LRIF1: variants seen among roughly 807,000 people sequenced by gnomAD.
LRIF1 encodes the protein ligand-dependent nuclear receptor-interacting factor 1.
In LRIF1, 32 loss-of-function variants were observed where a neutral mutation model predicts 52.7. The ratio of observed to expected loss-of-function variants is 0.61; its 90% CI spans 0.46 to 0.82. The LOEUF is 0.82. Ranked by LOEUF, LRIF1 falls within the 40% of genes least tolerant of loss-of-function variation. LRIF1 has a pLI of 0.00. For missense variants in LRIF1, 887 were observed against 892.0 expected, an observed-to-expected ratio of 0.99 and a Z score of 0.07; for synonymous variants, 323 against 317.4, an observed-to-expected ratio of 1.02 and a Z score of -0.19.
chr1:110,904,063 G>A, the LRIF1 span, among the ~76,000 whole-genome samples: 13 of 152,202 alleles, frequency 8.5e-5, no homozygotes, highest in Admixed American at 4.6e-4. Flanking sequence ...GGAGGGAAGA[G>A]TGGGGAAAAC....
chr1:110,910,160 T>C, the LRIF1 span, among the ~76,000 whole-genome samples: 1 of 151,860 alleles, frequency 6.6e-6, no homozygotes, highest in African/African-American at 2.4e-5. Context: ...GAATCTAAAC[T>C]TGACACTTGA....
intron 1 of LRIF1, among the ~76,000 whole-genome samples, chr1:110,963,077 C>T (rs2101127694): frequency 6.6e-6 from 1 of 152,336 alleles, no homozygotes; most frequent in South Asian, 2.1e-4. Context: ...AAAGGACTGA[C>T]TTTACACGAG....
At chr1:110,960,551 A>G (rs889698293) in intron 1 of LRIF1, among the ~76,000 whole-genome samples, 7 of 152,174 alleles carry the variant, frequency 4.6e-5, no homozygotes, top group African/African-American at 1.7e-4. Context: ...ATATATAATC[A>G]CAGGCTTTCA....
chr1:110,915,747 T>C, the LRIF1 span, among the ~76,000 whole-genome samples: 1 of 152,220 alleles, frequency 6.6e-6, no homozygotes, highest in Non-Finnish European at 1.5e-5. Flanking sequence ...AGTGTTTCTT[T>C]TATCACTACT....
the LRIF1 span, among the ~76,000 whole-genome samples, chr1:110,909,073 G>A: frequency 1.3e-5 from 2 of 152,158 alleles, no homozygotes; most frequent in South Asian, 2.1e-4. Context: ...CCTATATTAA[G>A]CATCATTAAA....
chr1:110,909,066 A>G, the LRIF1 span, among the ~76,000 whole-genome samples: 6 of 152,322 alleles, frequency 3.9e-5, no homozygotes, highest in South Asian at 2.1e-4. Flanking sequence ...TTGGGGGCCT[A>G]TATTAAGCAT....
chr1:110,911,706 C>T, the LRIF1 span, among the ~76,000 whole-genome samples: 2 of 152,070 alleles, frequency 1.3e-5, no homozygotes, highest in East Asian at 1.9e-4. Context: ...TCAACATATA[C>T]GAATCAGTAA....
intron 1 of LRIF1, among the ~76,000 whole-genome samples, chr1:110,954,161 T>C (rs181979113): frequency 6.6e-6 from 1 of 152,300 alleles, no homozygotes; most frequent in African/African-American, 2.4e-5. Context: ...TACCCAAAAT[T>C]CTATGTATCC....
chr1:110,899,922 A>G, the LRIF1 span: 1 of 152,630 alleles, frequency 6.6e-6, no homozygotes, highest in African/African-American at 2.4e-5. Context: ...TATTATCTCA[A>G]TCACAACATT....
chr1:110,934,202 A>T, the LRIF1 span, among the ~76,000 whole-genome samples: 1 of 152,206 alleles, frequency 6.6e-6, no homozygotes, highest in African/African-American at 2.4e-5. Context: ...CCCAGGTACT[A>T]TGTTGAGGGC....
At chr1:110,911,461 C>A in the LRIF1 span, among the ~76,000 whole-genome samples, 2 of 152,176 alleles carry the variant, frequency 1.3e-5, no homozygotes, top group Non-Finnish European at 2.9e-5. Context: ...TAAAATTACT[C>A]AAAAATATTG....
Position 110,951,580 on chromosome 1 carries a change from G to A in LRIF1, c.1304C>T (p.Ala435Val), listed in dbSNP as rs757910671. 1.9e-6 allele frequency: 3 copies of A among 1,614,112 alleles called. No individual in the cohort carries two copies. Among genetic ancestry groups the A allele is most frequent in the Admixed American group, 1.7e-5 (1 of 60,034 alleles). ...CTCTGCCCTTAGATTGGCCATGGAA[G>A]CAAGCTGGGTATTGGAAAGTGATTT... ...ETKSLSNTQLASMANLRAEKN... is the reference protein window; with the variant it reads ...ETKSLSNTQLVSMANLRAEKN... Residue 435 changes from alanine (A) to valine (V), a missense_variant, in exon 2 of 4, where the codon GCT becomes GTT. Ala to Val is a moderately conservative substitution (Grantham distance 64, BLOSUM62 0). Coordinates refer to ENST00000369763, the MANE Select transcript of LRIF1 (RefSeq NM_018372.4).
the LRIF1 span, among the ~76,000 whole-genome samples, chr1:110,907,501 G>A: frequency 6.6e-6 from 1 of 152,052 alleles, no homozygotes; most frequent in African/African-American, 2.4e-5. Context: ...TGTAATCCCA[G>A]CACTTTGGGA....
At chr1:110,891,559 T>C in the LRIF1 span, 3 of 968,432 alleles carry the variant, frequency 3.1e-6, no homozygotes, top group Admixed American at 1.8e-5. Flanking sequence ...TGGTGTGGGG[T>C]AAAATGCATG....
chr1:110,910,054 A>G, the LRIF1 span, among the ~76,000 whole-genome samples: 1 of 152,320 alleles, frequency 6.6e-6, no homozygotes, highest in East Asian at 1.9e-4. Flanking sequence ...AGACCTACCA[A>G]GAGACTTAGA....
the LRIF1 span, among the ~76,000 whole-genome samples, chr1:110,879,440 ATGT>A: frequency 6.6e-6 from 1 of 152,242 alleles, no homozygotes. Flanking sequence ...ACAGAATACT[ATGT>A]TATTTGACCT....
rs1242764211 is a variant in LRIF1 at position 110,948,336 on chromosome 1, T to C, written c.1933A>G (p.Lys645Glu). 1.2e-6 allele frequency: 2 copies of C among 1,614,082 alleles called. No homozygotes were observed. The highest frequency in any genetic ancestry group is 1.7e-6 in the Non-Finnish European group (2 of 1,180,000). Reference protein sequence around the residue: ...NKKMDHIKKRKTENAYNAIIN... With the variant: ...NKKMDHIKKRETENAYNAIIN... ...ATTGCGTTATAAGCATTCTCTGTTT[T>C]TCTCTTCTTTATGTGATCCATCTTC... The change falls in exon 4 of 4, where the codon AAA (lysine) becomes GAA (glutamate). Residue 645 changes from lysine to glutamate, a missense_variant. Lys to Glu is a moderately conservative substitution (Grantham distance 56, BLOSUM62 1). Coordinates refer to ENST00000369763, the MANE Select transcript of LRIF1 (RefSeq NM_018372.4).
the LRIF1 span, among the ~76,000 whole-genome samples, chr1:110,902,386 G>T: frequency 6.6e-6 from 1 of 151,238 alleles, no homozygotes; most frequent in Admixed American, 6.6e-5. Flanking sequence ...TTTTAAATGG[G>T]TATATGTAAA....
chr1:110,959,714 G>A (rs893204759), intron 1 of LRIF1, among the ~76,000 whole-genome samples: 2 of 142,348 alleles, frequency 1.4e-5, no homozygotes, highest in African/African-American at 5.3e-5. Flanking sequence ...ACTCCACCTG[G>A]CGACAGAGCG....
Sources: gnomAD v4.1 joint callset for allele counts (sites outside exome capture counted in the v4.1 genomes callset) on GRCh38, gnomAD v4.1.1 for gene constraint, MANE v1.5 for transcripts, NCBI Gene and HGNC (gene_info 2026-07-23, HGNC 2026-07-21) for gene names.